The following MRPS9 variants were observed in gnomAD, a reference collection of about 807,000 sequenced individuals.
The protein encoded by MRPS9 is mitochondrial ribosomal protein S9.
A neutral mutation model predicts 59.9 loss-of-function variants in MRPS9; 45 were observed. The ratio of observed to expected loss-of-function variants is 0.75; its 90% CI spans 0.59 to 0.96. The LOEUF (loss-of-function observed/expected upper bound fraction) is 0.96, where lower values mean the gene tolerates loss of function less well. Among genes scored for constraint, MRPS9 ranks in the 40% least tolerant of loss-of-function variants. The pLI, the probability that MRPS9 is intolerant of heterozygous loss-of-function variation, is 0.00. For missense variants in MRPS9, 473 were observed against 481.1 expected, an observed-to-expected ratio of 0.98 and a Z score of 0.16; for synonymous variants, 171 against 166.8, an observed-to-expected ratio of 1.03 and a Z score of -0.19.
At chr2:105,053,723 T>G (rs899464228) in intron 2 of MRPS9, among the ~76,000 whole-genome samples, 13 of 152,198 alleles carry the variant, frequency 8.5e-5, no homozygotes, top group African/African-American at 3.1e-4. Context: ...AGAGAAGAGA[T>G]ACTTAACATC....
intron 4 of MRPS9, among the ~76,000 whole-genome samples, chr2:105,071,770 A>G (rs1333235804): frequency 2.6e-5 from 4 of 152,202 alleles, no homozygotes; most frequent in Non-Finnish European, 5.9e-5. Context: ...TTTGGTACAG[A>G]TCTGCTGGCA....
chr2:105,078,423 T>C (rs982296241), intron 4 of MRPS9, among the ~76,000 whole-genome samples: 1 of 152,010 alleles, frequency 6.6e-6, no homozygotes, highest in African/African-American at 2.4e-5. Flanking sequence ...AGTAGAGTCT[T>C]GTCTGCAGCC....
intron 1 of MRPS9, among the ~76,000 whole-genome samples, chr2:105,038,987 C>T (rs1043060792): frequency 4.6e-5 from 7 of 151,984 alleles, no homozygotes; most frequent in African/African-American, 1.7e-4. Context: ...GTAACTGAGG[C>T]CTTGTAAACA....
rs143778603 is a variant in MRPS9 at position 105,079,213 on chromosome 2, G to A, written c.410-770G>A. Among the ~76,000 whole-genome samples, 53 of 152,304 alleles carry A rather than the reference G, an allele frequency of 3.5e-4. No homozygotes were observed. The East Asian group carries it at 7.5e-3, about 22-fold the overall frequency. On this transcript the variant is annotated intron_variant, in intron 4 of 10. Coordinates refer to ENST00000258455, the MANE Select transcript of MRPS9 (RefSeq NM_182640.3). ...AAAAGTAAAAGGCAAGTGACAGCCT[G>A]GGGGAAAATAGTTTACAACTTCTGT...
At chr2:105,086,342 C>CTT (rs1680444832) in intron 5 of MRPS9, among the ~76,000 whole-genome samples, 1 of 152,146 alleles carries the variant, frequency 6.6e-6, no homozygotes, top group Non-Finnish European at 1.5e-5. Flanking sequence ...GTTTTCTCCT[C>CTT]TTCCACATTT....
intron 1 of MRPS9, among the ~76,000 whole-genome samples, chr2:105,042,026 T>G (rs923737996): frequency 3.3e-5 from 5 of 152,254 alleles, no homozygotes; most frequent in African/African-American, 1.2e-4. Context: ...AATGCTTCAT[T>G]GTAATTAGGA....
intron 2 of MRPS9, among the ~76,000 whole-genome samples, chr2:105,066,575 C>T (rs1198259661): frequency 6.6e-6 from 1 of 152,182 alleles, no homozygotes; most frequent in Non-Finnish European, 1.5e-5. Context: ...GGATTCTATT[C>T]ATTGGTCACC....
chr2:105,072,347 G>C (rs911622333), intron 4 of MRPS9, among the ~76,000 whole-genome samples: 1 of 151,732 alleles, frequency 6.6e-6, no homozygotes, highest in Non-Finnish European at 1.5e-5. Flanking sequence ...TAAGAAATCT[G>C]AGTGCAGAAT....
intron 5 of MRPS9, among the ~76,000 whole-genome samples, chr2:105,082,691 G>A (rs189156423): frequency 2.6e-5 from 4 of 152,210 alleles, no homozygotes; most frequent in Non-Finnish European, 5.9e-5. Flanking sequence ...GAAATGAAGC[G>A]TGATAGGAAA....
Position 105,089,996 on chromosome 2 carries a change from G to A in MRPS9, c.651+1G>A. On this transcript the variant is annotated splice_donor_variant, in intron 7 of 10. Transcript: ENST00000258455. LOFTEE classifies it high-confidence loss of function. Reference sequence around the variant, plus strand: ...AGTGGAAAAACTGTCAGATCTAGATGTGAGTAATTAATCTTTTTAATTTAA... The same window carrying A: ...AGTGGAAAAACTGTCAGATCTAGATATGAGTAATTAATCTTTTTAATTTAA... 6.4e-7 allele frequency: 1 copy of A among 1,570,890 alleles called. No individual in the cohort carries two copies. The highest frequency in any genetic ancestry group is 8.7e-7 in the Non-Finnish European group (1 of 1,145,336).
intron 5 of MRPS9, among the ~76,000 whole-genome samples, chr2:105,087,960 G>A (rs1001707201): frequency 4.6e-5 from 7 of 152,082 alleles, no homozygotes; most frequent in African/African-American, 1.4e-4. Flanking sequence ...ACATTATGTG[G>A]TAATATGGCA....
chr2:105,049,377 G>T, intron 2 of MRPS9, 27 bp downstream of exon 2: 2 of 1,581,710 alleles, frequency 1.3e-6, no homozygotes, highest in Non-Finnish European at 8.6e-7. Flanking sequence ...TGTTGAAAAA[G>T]TAATTGCTGT....
chr2:105,091,185 T>C (rs958181898), intron 7 of MRPS9: 1 of 424,760 alleles, frequency 2.4e-6, no homozygotes, highest in Non-Finnish European at 4.9e-6. Context: ...TGATACTTTG[T>C]ACTTTGGGGT....
At position 105,090,644 on chromosome 2, in the gene MRPS9, A is replaced by T. The variant is rs190557800; in HGVS notation, c.651+649A>T. Among the ~76,000 whole-genome samples the T allele has an allele frequency of 7.2e-5, 11 of 152,296 alleles. No homozygotes were observed. In the East Asian group the frequency reaches 2.1e-3, roughly 29 times the overall value. On this transcript the variant is annotated intron_variant, in intron 7 of 10. Transcript: ENST00000258455. ...ACCCCCTGCTTTAGGTCTTAATTGC[A>T]TTCTTATTTTGTTAAATGTTCTAAT...
Position 105,093,651 on chromosome 2 carries a change from T to C in MRPS9, c.929+13T>C. The stretch of plus-strand genomic sequence containing the variant: ...TCACACAGGACAGGTTCGTTTTGGG[T>C]TCTGATTTTTTGTTTTTAAAGGAAA... On this transcript the variant is annotated intron_variant, in intron 9 of 10. Coordinates refer to ENST00000258455, the MANE Select transcript of MRPS9 (RefSeq NM_182640.3). The C allele has an allele frequency of 6.9e-7, 1 of 1,440,568 alleles. No homozygotes were observed. Among genetic ancestry groups the C allele is most frequent in the South Asian group, 1.3e-5 (1 of 77,214 alleles). The allele number at this position is 1,440,568 out of a possible 1,614,324, so 89.2% of individuals were successfully genotyped here.
At chr2:105,078,644 T>C (rs11124019) in intron 4 of MRPS9, among the ~76,000 whole-genome samples, 32,897 of 152,110 alleles carry the variant, frequency 0.22, 3,630 homozygotes, top group Middle Eastern at 0.35. Context: ...ACTTTCTTTT[T>C]AGCATTTATT....
At chr2:105,094,906 C>A (rs1300681088) in intron 9 of MRPS9, among the ~76,000 whole-genome samples, 1 of 152,216 alleles carries the variant, frequency 6.6e-6, no homozygotes, top group African/African-American at 2.4e-5. Context: ...GAAATTACAT[C>A]TTTAGATCTT....
At chr2:105,097,465 A>C in intron 10 of MRPS9, 141 bp downstream of exon 10, 3 of 769,476 alleles carry the variant, frequency 3.9e-6, no homozygotes, top group Non-Finnish European at 5.6e-6. Flanking sequence ...CTTTCTTGCT[A>C]CAGAACCATA....
intron 1 of MRPS9, among the ~76,000 whole-genome samples, chr2:105,039,098 G>A (rs138247796): frequency 6.6e-6 from 1 of 151,632 alleles, no homozygotes; most frequent in Non-Finnish European, 1.5e-5. Context: ...GAGAATGAGG[G>A]ACCAAAGAAG....
Sources: allele counts gnomAD v4.1 joint callset (sites outside exome capture counted in the v4.1 genomes callset), GRCh38; gene constraint gnomAD v4.1.1; transcripts MANE v1.5; gene names NCBI Gene and HGNC (gene_info 2026-07-23, HGNC 2026-07-21).